The following TRMT61A variants were observed in gnomAD, a reference collection of about 807,000 sequenced individuals.
The protein encoded by TRMT61A is tRNA (adenine(58)-N(1))-methyltransferase catalytic subunit TRMT61A.
A neutral mutation model predicts 21.3 loss-of-function variants in TRMT61A; 15 were observed. That is an observed-to-expected ratio of 0.70 (90% confidence interval 0.47 to 1.08). TRMT61A has a LOEUF of 1.08. TRMT61A is among the 50% of genes least tolerant of loss of function. The pLI, the probability that TRMT61A is intolerant of heterozygous loss-of-function variation, is 0.00. For synonymous variants in TRMT61A, 183 were observed against 185.5 expected (o/e 0.99, Z 0.11); for missense variants, 352 against 426.7 (o/e 0.83, Z 1.54).
chr14:103,534,927 G>A lies in TRMT61A; in HGVS notation c.*106G>A, dbSNP rs1289582564. ...CGATGCCTGCCAGACACAGACGGTG[G>A]GGTGGGGCTTGGGGGCCTCCTGGGT... On this transcript the variant is annotated 3_prime_UTR_variant, in exon 4 of 4. Transcript: ENST00000389749. 6.8e-7 allele frequency: 1 copy of A among 1,464,746 alleles called. No individual in the cohort carries two copies. The highest frequency in any genetic ancestry group is 9.2e-7 in the Non-Finnish European group (1 of 1,082,614). 90.7% of individuals were successfully genotyped at this position (1,464,746 alleles called of 1,614,324 possible). A position where few individuals can be genotyped will look rare whatever the true frequency, so the allele number is the denominator to read the frequency against.
chr14:103,530,506 A>T (rs1266565895), intron 2 of TRMT61A, among the ~76,000 whole-genome samples, 197 bp downstream of exon 2: 1 of 152,088 alleles, frequency 6.6e-6, no homozygotes, highest in Non-Finnish European at 1.5e-5. Flanking sequence ...CTGGAGTGAG[A>T]GGTGGTGGGA....
intron 2 of TRMT61A, among the ~76,000 whole-genome samples, chr14:103,532,245 G>A (rs1045084106): frequency 1.1e-4 from 16 of 152,280 alleles, no homozygotes; most frequent in South Asian, 2.1e-4. Context: ...AGATTTCCCC[G>A]GAGGCTCCAG....
Position 103,534,818 on chromosome 14 carries a change from C to T in TRMT61A, c.867C>T (p.Gly289=). 1 of 1,547,164 alleles carries T rather than the reference C, an allele frequency of 6.5e-7. No homozygotes were observed. The highest frequency in any genetic ancestry group is 8.7e-7 in the Non-Finnish European group (1 of 1,149,360). ...TGACCTTCGCCACCAAGACCCCAGG[C>T]TAGGGGGCCGCCTCCCAGGGCACCA... ...GYLTFATKTP[G] The change falls in exon 4 of 4, where the codon GGC becomes GGT. Residue 289 remains glycine (G), a synonymous_variant. Transcript: ENST00000389749.
rs1236484613 is a variant in TRMT61A, at chr14:103,535,271, C to G, written c.*450C>G. 5 of 453,000 alleles carry G rather than the reference C, an allele frequency of 1.1e-5. No homozygotes were observed. The highest frequency in any genetic ancestry group is 1.8e-5 in the Non-Finnish European group (4 of 226,092). 28.1% of individuals were successfully genotyped at this position (453,000 alleles called of 1,614,324 possible). On this transcript the variant is annotated 3_prime_UTR_variant, in exon 4 of 4. Coordinates refer to ENST00000389749, the MANE Select transcript of TRMT61A (RefSeq NM_152307.3). ...GGGCCTGAGACCATCTCGTGCTTCT[C>G]CAGTCCCCGGGCCGAGGCTCCAGCC...
In TRMT61A at chr14:103,534,015, TCA is replaced by T. The variant is rs2075964188; in HGVS notation, c.599-534_599-533del. On this transcript the variant is annotated intron_variant, in intron 3 of 3. Transcript: ENST00000389749. ...CAGGACAGGGACCCGGGCTGGGTTC[TCA>T]TTCACTGCAGGCCAGGCCAAGTGAA... Among the ~76,000 whole-genome samples the T allele has an allele frequency of 2.0e-5, 3 of 152,350 alleles. No homozygotes were observed. In the East Asian group the frequency reaches 5.8e-4, roughly 29 times the overall value.
chr14:103,532,844 C>G lies in TRMT61A; in HGVS notation c.594C>G (p.Val198=), dbSNP rs563404267. The G allele has an allele frequency of 1.0e-5, 16 of 1,542,534 alleles. No individual in the cohort carries two copies. In the East Asian group the frequency reaches 1.5e-4, roughly 14 times the overall value. The change falls in exon 3 of 4, where the codon GTC becomes GTG. Residue 198 remains valine, a synonymous_variant. Coordinates refer to ENST00000389749, the MANE Select transcript of TRMT61A (RefSeq NM_152307.3). Reference sequence around the variant, plus strand: ...GCCACGCCTGGGACGCCCTCAAGGTCGAAGGTGCATCCGGGGTTCCGGGAG... The same window carrying G: ...GCCACGCCTGGGACGCCCTCAAGGTGGAAGGTGCATCCGGGGTTCCGGGAG... ...AVGHAWDALK[V]EGGRFCSFSP...
rs756111120 is a variant in TRMT61A, at chr14:103,529,455, G to T, written c.-30+194G>T. 3.1e-4 allele frequency among the ~76,000 whole-genome samples: 47 copies of T among 152,390 alleles called. 1 individual carries two copies. Among genetic ancestry groups the T allele is most frequent in the Admixed American group, 9.8e-4 (15 of 15,314 alleles). ...TCCGCGTCCCCAGCCCCTTACTGGG[G>T]AGCCCTGAATCCTCTGTCATACCCT... On this transcript the variant is annotated intron_variant, in intron 1 of 3. Coordinates refer to ENST00000389749, the MANE Select transcript of TRMT61A (RefSeq NM_152307.3).
rs773286176 is a variant in TRMT61A, at chr14:103,534,696, G to A, written c.745G>A (p.Asp249Asn). Reference sequence around the variant, plus strand: ...GCGCACTGTCAGCCTGCCACCGCCCGACCTGGGCACAGGCACAGATGGCCC... The same window carrying A: ...GCGCACTGTCAGCCTGCCACCGCCCAACCTGGGCACAGGCACAGATGGCCC... ...NVRTVSLPPP[D>N]LGTGTDGPAG... Residue 249 changes from aspartate (D) to asparagine (N), a missense_variant, in exon 4 of 4, where the codon GAC becomes AAC. Physicochemically the swap from Asp to Asn is conservative, Grantham distance 23 (BLOSUM62 1). Transcript: ENST00000389749. The A allele has an allele frequency of 1.4e-5, 23 of 1,608,136 alleles. No homozygotes were observed. The highest frequency in any genetic ancestry group is 8.0e-5 in the African/African-American group (6 of 74,920).
rs758567109 is a variant in TRMT61A at position 103,534,814 on chromosome 14, C to A, written c.863C>A (p.Pro288Gln). The A allele has an allele frequency of 6.5e-7, 1 of 1,550,180 alleles. No homozygotes were observed. The highest frequency in any genetic ancestry group is 1.2e-5 in the South Asian group (1 of 85,172). The change falls in exon 4 of 4, where the codon CCA becomes CAA. Residue 288 changes from proline to glutamine, a missense_variant. Coordinates refer to ENST00000389749, the MANE Select transcript of TRMT61A (RefSeq NM_152307.3). ...TACCTGACCTTCGCCACCAAGACCC[C>A]AGGCTAGGGGGCCGCCTCCCAGGGC... ...TGYLTFATKT[P>Q]G is the part of the protein sequence containing the mutation.
In TRMT61A at chr14:103,533,441, C is replaced by T. The variant is rs566495068; in HGVS notation, c.598+593C>T. Among the ~76,000 whole-genome samples, 7 of 152,322 alleles carry T rather than the reference C, an allele frequency of 4.6e-5. No homozygotes were observed. The South Asian group carries it at 1.2e-3, about 27-fold the overall frequency. ...CTCAAAGATGAGCCGAGGCCTGGTG[C>T]GAACAGCAAGGCTGTGGCCGGGGGT... On this transcript the variant is annotated intron_variant, in intron 3 of 3. Transcript: ENST00000389749.
At chr14:103,533,371 T>G (rs1326659710) in intron 3 of TRMT61A, among the ~76,000 whole-genome samples, 1 of 152,172 alleles carries the variant, frequency 6.6e-6, no homozygotes, top group Non-Finnish European at 1.5e-5. Flanking sequence ...GAGAGTTGTA[T>G]TCTGAGAGGG....
Position 103,534,702 on chromosome 14 carries a change from G to A in TRMT61A, c.751G>A (p.Gly251Ser). The change falls in exon 4 of 4, where the codon GGC becomes AGC. Residue 251 changes from glycine (G) to serine (S), a missense_variant. Gly to Ser is a moderately conservative substitution (Grantham distance 56). Coordinates refer to ENST00000389749, the MANE Select transcript of TRMT61A (RefSeq NM_152307.3). The part of the protein sequence containing the change: ...RTVSLPPPDL[G>S]TGTDGPAGSD... ...TGTCAGCCTGCCACCGCCCGACCTGGGCACAGGCACAGATGGCCCTGCCGG... is the reference window on the plus strand; with the variant it reads ...TGTCAGCCTGCCACCGCCCGACCTGAGCACAGGCACAGATGGCCCTGCCGG... 6.2e-7 allele frequency: 1 copy of A among 1,607,612 alleles called. No homozygotes were observed. The highest frequency in any genetic ancestry group is 1.1e-5 in the South Asian group (1 of 90,862).
rs1238835641 is a variant in TRMT61A, at chr14:103,534,656, A to G, written c.705A>G (p.Pro235=). The change falls in exon 4 of 4, where the codon CCA becomes CCG. Residue 235 remains proline, a synonymous_variant. Transcript: ENST00000389749. The part of the protein sequence containing the change: ...FSELSTLEVL[P]QVYNVRTVSL... ...AGCTGAGCACCCTGGAGGTGCTGCCACAGGTCTACAACGTGCGCACTGTCA... is the reference window on the plus strand; with the variant it reads ...AGCTGAGCACCCTGGAGGTGCTGCCGCAGGTCTACAACGTGCGCACTGTCA... The G allele has an allele frequency of 6.2e-7, 1 of 1,611,126 alleles. No individual in the cohort carries two copies. Among genetic ancestry groups the G allele is most frequent in the African/African-American group, 1.3e-5 (1 of 75,062 alleles).
rs775243452 is a variant in TRMT61A, at chr14:103,530,094, G to T, written c.116G>T (p.Arg39Leu). ...RVQRGAQTQT[R>L]HGVLRHSVDL... Reference sequence around the variant, plus strand: ...CAGCGTGGGGCACAGACCCAGACCCGGCATGGTGTCCTGCGGCACTCAGTT... The same window carrying T: ...CAGCGTGGGGCACAGACCCAGACCCTGCATGGTGTCCTGCGGCACTCAGTT... Residue 39 changes from arginine to leucine, a missense_variant, in exon 2 of 4, where the codon CGG (arginine) becomes CTG (leucine). Arg to Leu is a moderately radical substitution (Grantham distance 102, BLOSUM62 -2). Coordinates refer to ENST00000389749, the MANE Select transcript of TRMT61A (RefSeq NM_152307.3). 6.2e-7 allele frequency: 1 copy of T among 1,612,980 alleles called. No individual in the cohort carries two copies. Among genetic ancestry groups the T allele is most frequent in the South Asian group, 1.1e-5 (1 of 91,090 alleles).
At position 103,530,679 on chromosome 14, in the gene TRMT61A, A is replaced by G. The variant is rs989136894; in HGVS notation, c.331+370A>G. The stretch of plus-strand genomic sequence containing the variant: ...GCAGAGAGAGTTGCCCCTTCTGGAA[A>G]GAGGCCAGGGCTACCCCGAGGAGCT... On this transcript the variant is annotated intron_variant, in intron 2 of 3. Transcript: ENST00000389749. Among the ~76,000 whole-genome samples the G allele has an allele frequency of 2.0e-5, 3 of 152,358 alleles. No individual in the cohort carries two copies. The East Asian group carries it at 5.8e-4, about 29-fold the overall frequency.
rs1247182771 is a variant in TRMT61A at position 103,537,044 on chromosome 14, G to A, written c.*2223G>A. ...AGCTTGGATCCTCACGTGGCCTGGA[G>A]CCAGCATTAAACTCCTGTATGTCCT... On this transcript the variant is annotated 3_prime_UTR_variant, in exon 4 of 4. Coordinates refer to ENST00000389749, the MANE Select transcript of TRMT61A (RefSeq NM_152307.3). 1.3e-5 allele frequency: 2 copies of A among 152,452 alleles called. No homozygotes were observed. The highest frequency in any genetic ancestry group is 3.9e-4 in the East Asian group (2 of 5,190). 9.4% of individuals were successfully genotyped at this position (152,452 alleles called of 1,614,324 possible).
At chr14:103,534,004 G>T (rs1181333387) in intron 3 of TRMT61A, among the ~76,000 whole-genome samples, 1 of 152,218 alleles carries the variant, frequency 6.6e-6, no homozygotes, top group Admixed American at 6.5e-5. Context: ...ACAGGGACCC[G>T]GGCTGGGTTC....
At chr14:103,530,388 T>C in intron 2 of TRMT61A, 79 bp downstream of exon 2, 2 of 1,274,380 alleles carry the variant, frequency 1.6e-6, no homozygotes, top group Non-Finnish European at 2.2e-6. Flanking sequence ...CTGCCCTTCC[T>C]ACAGACACAT....
chr14:103,530,416 A>G, intron 2 of TRMT61A, 107 bp downstream of exon 2: 1 of 1,002,618 alleles, frequency 1.0e-6, no homozygotes, highest in Non-Finnish European at 1.4e-6. Context: ...CTCAGTTTCT[A>G]TTTTCACATC....
Sources: allele counts gnomAD v4.1 joint callset (sites outside exome capture counted in the v4.1 genomes callset), GRCh38; gene constraint gnomAD v4.1.1; transcripts MANE v1.5; gene names NCBI Gene and HGNC (gene_info 2026-07-23, HGNC 2026-07-21).